MCMBP: variants seen among roughly 807,000 people sequenced by gnomAD.
The protein encoded by MCMBP is mini-chromosome maintenance complex-binding protein.
In MCMBP, 31 loss-of-function variants were observed where a neutral mutation model predicts 81.3. That is an observed-to-expected ratio of 0.38 (90% CI 0.29 to 0.51). MCMBP has a LOEUF of 0.51. Ranked by LOEUF, MCMBP falls within the 20% of genes least tolerant of loss-of-function variation. The probability of loss-of-function intolerance (pLI) is 0.87; values close to 1 mark genes in which losing one functional copy is unlikely to be tolerated. For synonymous variants in MCMBP, 267 were observed against 275.9 expected (o/e 0.97, Z 0.32); for missense variants, 645 against 772.1 (o/e 0.84, Z 1.95).
intron 1 of MCMBP, among the ~76,000 whole-genome samples, chr10:119,870,822 C>A (rs1404072777): frequency 6.6e-6 from 1 of 152,162 alleles, no homozygotes; most frequent in African/African-American, 2.4e-5. Flanking sequence ...TAAGACACAA[C>A]GTACACGGGA....
intron 6 of MCMBP, 145 bp from the exon 7 acceptor site, chr10:119,849,721 C>T: frequency 3.2e-6 from 2 of 619,624 alleles, no homozygotes; most frequent in South Asian, 2.8e-5. Context: ...AAGGAAACAG[C>T]ACATACTAAC....
rs1281007421 is a variant in MCMBP at position 119,842,476 on chromosome 10, T to C, written c.1120A>G (p.Thr374Ala). 3.7e-6 allele frequency: 6 copies of C among 1,612,776 alleles called. No homozygotes were observed. The highest frequency in any genetic ancestry group is 1.6e-4 in the Middle Eastern group (1 of 6,076). Residue 374 changes from threonine to alanine, a missense_variant, in exon 10 of 16, where the codon ACA (threonine) becomes GCA (alanine). Physicochemically the swap from Thr to Ala is moderately conservative, Grantham distance 58. Coordinates refer to ENST00000369077, the MANE Select transcript of MCMBP (RefSeq NM_001256378.2). ...CCACCAGGATACAGCACTTACACTG[T>C]GGAGATGAGATGTAATATAAGGTAT... The part of the protein sequence containing the change: ...AEYLILHLIS[T>A]VYTRRDVLPL...
intron 1 of MCMBP, 86 bp downstream of exon 1, chr10:119,872,441 G>C (rs1026892645): frequency 3.7e-6 from 3 of 818,896 alleles, no homozygotes; most frequent in Non-Finnish European, 3.2e-6. Flanking sequence ...AGATGGTACC[G>C]CGTGGGGGCC....
rs2134346445 is a variant in MCMBP at position 119,838,689 on chromosome 10, C to T, written c.1254G>A (p.Leu418=). 1 of 1,604,914 alleles carries T rather than the reference C, an allele frequency of 6.2e-7. No individual in the cohort carries two copies. Among genetic ancestry groups the T allele is most frequent in the Non-Finnish European group, 8.5e-7 (1 of 1,173,850 alleles). The part of the protein sequence containing the change: ...IQHLVPASFR[L]QMTIENMNHL... ...GGTTCATGTTCTCTATAGTCATCTG[C>T]AGACGAAAAGACTGCAAAGAGAAAT... is the stretch of plus-strand genomic sequence containing the variant. The change falls in exon 12 of 16, where the codon CTG becomes CTA. Residue 418 remains leucine, a synonymous_variant. Transcript: ENST00000369077.
chr10:119,856,404 CACATGACTCAAAT>C (rs1266933675), intron 5 of MCMBP, among the ~76,000 whole-genome samples: 1 of 152,208 alleles, frequency 6.6e-6, no homozygotes, highest in African/African-American at 2.4e-5. Flanking sequence ...TACTGATACA[CACATGACTCAAAT>C]GCATGATGTT....
intron 1 of MCMBP, among the ~76,000 whole-genome samples, chr10:119,869,309 C>G (rs920271839): frequency 6.6e-6 from 1 of 152,162 alleles, no homozygotes. Flanking sequence ...TGTGGTGGCT[C>G]ACGCCTACAA....
intron 1 of MCMBP, among the ~76,000 whole-genome samples, chr10:119,867,193 T>C (rs1853491192): frequency 6.9e-6 from 1 of 144,158 alleles, no homozygotes; most frequent in African/African-American, 2.6e-5. Context: ...CTCAAGAGGC[T>C]GAGGCATGAG....
Position 119,830,535 on chromosome 10 carries a change from A to C in MCMBP, c.*939T>G, listed in dbSNP as rs1372038464. The C allele has an allele frequency of 6.6e-6, 1 of 152,242 alleles. No individual in the cohort carries two copies. The highest frequency in any genetic ancestry group is 1.5e-5 in the Non-Finnish European group (1 of 68,042). 9.4% of individuals were successfully genotyped at this position (152,242 alleles called of 1,614,324 possible). A position where few individuals can be genotyped will look rare whatever the true frequency, so the allele number is the denominator to read the frequency against. On this transcript the variant is annotated 3_prime_UTR_variant, in exon 16 of 16. Coordinates refer to ENST00000369077, the MANE Select transcript of MCMBP (RefSeq NM_001256378.2). ...CATTTAAGAAAATAAAAACTTTCTA[A>C]AGGGGGTATTGCTTTTTAAGTTTCC...
chr10:119,859,306 C>A (rs1246330601), intron 2 of MCMBP, 125 bp from the exon 3 acceptor site: 78 of 675,892 alleles, frequency 1.2e-4, no homozygotes, highest in Non-Finnish European at 1.7e-4. Context: ...ACACACACAC[C>A]CATGCCACAT....
chr10:119,832,505 G>GT (rs1852085632), intron 14 of MCMBP, among the ~76,000 whole-genome samples: 1 of 152,096 alleles, frequency 6.6e-6, no homozygotes, highest in Non-Finnish European at 1.5e-5. Context: ...GTGATTATTG[G>GT]TAAGAATGTT....
At chr10:119,854,442 T>C (rs1341931614) in intron 5 of MCMBP, among the ~76,000 whole-genome samples, 2 of 151,430 alleles carry the variant, frequency 1.3e-5, no homozygotes, top group Non-Finnish European at 2.9e-5. Flanking sequence ...GTGACTCACA[T>C]CTGGAATCCT....
At chr10:119,864,750 T>G (rs1461565250) in intron 1 of MCMBP, among the ~76,000 whole-genome samples, 1 of 152,220 alleles carries the variant, frequency 6.6e-6, no homozygotes, top group Non-Finnish European at 1.5e-5. Context: ...ACTTGAGACC[T>G]TCTCTTCTAA....
intron 6 of MCMBP, among the ~76,000 whole-genome samples, chr10:119,852,295 C>T (rs1191536303): frequency 2.6e-5 from 4 of 151,280 alleles, no homozygotes; most frequent in Non-Finnish European, 4.4e-5. Context: ...ATAGCACATA[C>T]TCGAATATAT....
intron 1 of MCMBP, among the ~76,000 whole-genome samples, chr10:119,866,625 C>CA (rs972609098): frequency 1.3e-4 from 19 of 149,668 alleles, no homozygotes; most frequent in Admixed American, 1.3e-4. Flanking sequence ...GACTCCGTCT[C>CA]AAAAAAAAGA....
chr10:119,832,415 T>A (rs1382917696), intron 14 of MCMBP, among the ~76,000 whole-genome samples: 2 of 152,162 alleles, frequency 1.3e-5, no homozygotes, highest in East Asian at 3.8e-4. Flanking sequence ...CTGTTAACAC[T>A]GATCAAAATC....
intron 1 of MCMBP, among the ~76,000 whole-genome samples, chr10:119,872,081 G>T (rs976486118): frequency 6.6e-6 from 1 of 152,276 alleles, no homozygotes; most frequent in African/African-American, 2.4e-5. Flanking sequence ...AGCACTCCCC[G>T]ACGCACCGGA....
chr10:119,873,059 C>T (rs947051059), upstream of MCMBP, among the ~76,000 whole-genome samples: 10 of 151,946 alleles, frequency 6.6e-5, no homozygotes, highest in Admixed American at 3.3e-4. Context: ...AAGGGCGGCG[C>T]GTTGTCGTTT....
rs147314226 is a variant in MCMBP at position 119,835,722 on chromosome 10, A to G, written c.1543-18T>C. 879 of 1,613,090 alleles carry G rather than the reference A, an allele frequency of 5.4e-4. 3 individuals are homozygous for G. The East Asian group carries it at 0.017, about 31-fold the overall frequency. On this transcript the variant is annotated intron_variant, in intron 13 of 15. Coordinates refer to ENST00000369077, the MANE Select transcript of MCMBP (RefSeq NM_001256378.2). ...CAGTCTGCCTGAAAAGAGAAGGAGT[A>G]CACTGTATTTTCTGAGTTCCTAAAT...
At chr10:119,857,220 A>G (rs1853086017) in intron 5 of MCMBP, 118 bp downstream of exon 5, 4 of 679,796 alleles carry the variant, frequency 5.9e-6, no homozygotes, top group Admixed American at 3.2e-5. Flanking sequence ...GGTTTTCTCA[A>G]TTAGAACAAA....
Sources: allele counts gnomAD v4.1 joint callset (sites outside exome capture counted in the v4.1 genomes callset), GRCh38; gene constraint gnomAD v4.1.1; transcripts MANE v1.5; gene names NCBI Gene and HGNC (gene_info 2026-07-23, HGNC 2026-07-21).